Variants in FOSL2 observed in about 807,000 individuals in gnomAD.
FOSL2 encodes the protein FOS like 2, AP-1 transcription factor subunit, also known as fos-related antigen 2.
FOSL2 carries 3 observed loss-of-function variants against 27.7 expected under a neutral mutation model. The ratio of observed to expected loss-of-function variants is 0.11; its 90% CI spans 0.05 to 0.28. FOSL2 has a LOEUF of 0.28. FOSL2 is among the 10% of genes least tolerant of loss of function. The pLI is 1.00. For missense variants in FOSL2, 333 were observed against 445.1 expected (o/e 0.75, Z 2.27); for synonymous variants, 179 against 190.1 (o/e 0.94, Z 0.48).
In FOSL2 at chr2:28,415,566, C is replaced by T. The variant is rs1664295586; in HGVS notation, c.*3118C>T. 1 of 152,210 alleles carries T rather than the reference C, an allele frequency of 6.6e-6. No individual in the cohort carries two copies. Among genetic ancestry groups the T allele is most frequent in the Admixed American group, 6.5e-5 (1 of 15,286 alleles). The allele number at this position is 152,210 out of a possible 1,614,324, so 9.4% of individuals were successfully genotyped here. A position where few individuals can be genotyped will look rare whatever the true frequency, so the allele number is the denominator to read the frequency against. ...AAGTGTGGTTGAATTGTCTGGAGCA[C>T]TGGGACTTTTTTTCTCTTTTCCTTG... On this transcript the variant is annotated 3_prime_UTR_variant, in exon 4 of 4. Transcript: ENST00000264716.
chr2:28,411,981 G>C lies in FOSL2; in HGVS notation c.514G>C (p.Glu172Gln). ...GTCAGGCCTGCAGAAGGAGATTGCT[G>C]AGCTGCAGAAGGAGAAGGAGAAGCT... ...EKSGLQKEIA[E>Q]LQKEKEKLEF... The change falls in exon 4 of 4, where the codon GAG (glutamate) becomes CAG (glutamine). Residue 172 changes from glutamate to glutamine, a missense_variant. Glu to Gln is a conservative substitution (Grantham distance 29, BLOSUM62 2). Coordinates refer to ENST00000264716, the MANE Select transcript of FOSL2 (RefSeq NM_005253.4). 6 of 1,614,126 alleles carry C rather than the reference G, an allele frequency of 3.7e-6. No homozygotes were observed. The highest frequency in any genetic ancestry group is 5.1e-6 in the Non-Finnish European group (6 of 1,180,042).
chr2:28,401,195 T>TG (rs1288426289), intron 1 of FOSL2, among the ~76,000 whole-genome samples: 1 of 150,976 alleles, frequency 6.6e-6, no homozygotes, highest in Non-Finnish European at 1.5e-5. Flanking sequence ...TTTGGAGCAA[T>TG]GTTTCTCAAC....
At chr2:28,396,797 C>CACACACACACACACACACACACAA (rs1663847440) in intron 1 of FOSL2, 1 of 143,336 alleles carries the variant, frequency 7.0e-6, no homozygotes, top group African/African-American at 2.6e-5. Context: ...AAGACACACA[C>CACACACACACACACACACACACAA]ACACACACAC....
chr2:28,408,620 C>G lies in FOSL2; in HGVS notation c.355-139C>G, dbSNP rs921263790. 1 of 594,240 alleles carries G rather than the reference C, an allele frequency of 1.7e-6. No homozygotes were observed. Among genetic ancestry groups the G allele is most frequent in the Non-Finnish European group, 2.8e-6 (1 of 351,146 alleles). 36.8% of individuals were successfully genotyped at this position (594,240 alleles called of 1,614,324 possible). ...TCCACATGTTCTGGGGCCTCTGAGT[C>G]CAGCCATGCTCCTCTTGCCCTTCCT... On this transcript the variant is annotated intron_variant, in intron 2 of 3. Coordinates refer to ENST00000264716, the MANE Select transcript of FOSL2 (RefSeq NM_005253.4). The surrounding 1 kb of genome is among the most constrained non-coding windows in gnomAD (Gnocchi z 4.1).
At chr2:28,401,569 C>T (rs1281375884) in intron 1 of FOSL2, among the ~76,000 whole-genome samples, 1 of 152,188 alleles carries the variant, frequency 6.6e-6, no homozygotes. Context: ...CCCCGCCCCT[C>T]CCATCCAGCA....
chr2:28,401,851 C>T (rs191586760), intron 1 of FOSL2, among the ~76,000 whole-genome samples: 126 of 152,368 alleles, frequency 8.3e-4, no homozygotes, highest in African/African-American at 2.8e-3. Flanking sequence ...CTGGGCAGCT[C>T]TCTTCACGGG....
In FOSL2 at chr2:28,414,642, TAAATG is replaced by T. The variant is rs1316031084; in HGVS notation, c.*2197_*2201del. 4 of 152,232 alleles carry T rather than the reference TAAATG, an allele frequency of 2.6e-5. No homozygotes were observed. The highest frequency in any genetic ancestry group is 2.6e-4 in the Admixed American group (4 of 15,286). The allele number at this position is 152,232 out of a possible 1,614,324, so 9.4% of individuals were successfully genotyped here. On this transcript the variant is annotated 3_prime_UTR_variant, in exon 4 of 4. Coordinates refer to ENST00000264716, the MANE Select transcript of FOSL2 (RefSeq NM_005253.4). ...CTTTTTTGTGCATATAGATATTTCTTAAATGAAGCTGCTTTCTTGTCTTTTATTTC... is the reference window on the plus strand; with the variant it reads ...CTTTTTTGTGCATATAGATATTTCTTAAGCTGCTTTCTTGTCTTTTATTTC...
intron 1 of FOSL2, among the ~76,000 whole-genome samples, chr2:28,396,232 T>C (rs1311535760): frequency 6.6e-6 from 1 of 151,870 alleles, no homozygotes; most frequent in African/African-American, 2.4e-5. Context: ...TTTCCCGTCC[T>C]CTCTAGCTTC....
intron 2 of FOSL2, among the ~76,000 whole-genome samples, chr2:28,406,061 T>C (rs1007750383): frequency 6.7e-6 from 1 of 148,484 alleles, no homozygotes; most frequent in African/African-American, 2.5e-5. Context: ...TTTTTTTTTT[T>C]TTTTTTCTTT....
chr2:28,403,931 C>T (rs1235140249), intron 1 of FOSL2, among the ~76,000 whole-genome samples, 176 bp from the exon 2 acceptor site: 1 of 152,206 alleles, frequency 6.6e-6, no homozygotes, highest in African/African-American at 2.4e-5. Flanking sequence ...TAAGATTCCC[C>T]CCTTGATTCT....
rs1051668920 is a variant in FOSL2 at position 28,410,488 on chromosome 2, C to T, written c.463-1442C>T. 7 of 984,386 alleles carry T rather than the reference C, an allele frequency of 7.1e-6. No individual in the cohort carries two copies. The Admixed American group carries it at 4.3e-4, about 61-fold the overall frequency. The allele number at this position is 984,386 out of a possible 1,614,324, so 61.0% of individuals were successfully genotyped here. A position where few individuals can be genotyped will look rare whatever the true frequency, so the allele number is the denominator to read the frequency against. On this transcript the variant is annotated intron_variant, in intron 3 of 3. Coordinates refer to ENST00000264716, the MANE Select transcript of FOSL2 (RefSeq NM_005253.4). ...TCCTCCACAGGAAGCCTCTCAGAAG[C>T]TCATGACGTTCGTCAGACCCTTGAG...
intron 1 of FOSL2, among the ~76,000 whole-genome samples, chr2:28,403,857 C>T (rs977875241): frequency 2.0e-5 from 3 of 152,200 alleles, no homozygotes; most frequent in Admixed American, 6.5e-5. Context: ...ACTGAGCCAC[C>T]TGGGGATGGA....
At position 28,393,068 on chromosome 2, in the gene FOSL2, A is replaced by G. The variant is rs1663709026; in HGVS notation, c.-653A>G. The G allele has an allele frequency of 2.0e-6, 1 of 492,160 alleles. No homozygotes were observed. The highest frequency in any genetic ancestry group is 2.1e-5 in the African/African-American group (1 of 48,226). The allele number at this position is 492,160 out of a possible 1,614,324, so 30.5% of individuals were successfully genotyped here. A position where few individuals can be genotyped will look rare whatever the true frequency, so the allele number is the denominator to read the frequency against. On this transcript the variant is annotated 5_prime_UTR_variant, in exon 1 of 4. Coordinates refer to ENST00000264716, the MANE Select transcript of FOSL2 (RefSeq NM_005253.4). The surrounding 1 kb of genome is among the most constrained non-coding windows in gnomAD (Gnocchi z 4.6). ...CGGGGAGCGGGGCCGCGTCCCTCTC[A>G]GCGCCAGCTCTACTTGAGCCCCACG...
rs141048231 is a variant in FOSL2 at position 28,406,910 on chromosome 2, C to G, written c.355-1849C>G. Among the ~76,000 whole-genome samples, 935 of 152,326 alleles carry G rather than the reference C, an allele frequency of 6.1e-3. 6 individuals carry two copies. Among genetic ancestry groups the G allele is most frequent in the African/African-American group, 0.022 (897 of 41,572 alleles). Reference sequence around the variant, plus strand: ...TTCCCTCTGTGCCCTGTGGCGGCGACTCTGAGGAGGTGGGGAGGGGAGGGT... The same window carrying G: ...TTCCCTCTGTGCCCTGTGGCGGCGAGTCTGAGGAGGTGGGGAGGGGAGGGT... On this transcript the variant is annotated intron_variant, in intron 2 of 3. Transcript: ENST00000264716.
chr2:28,409,548 A>G (rs1303094699), intron 3 of FOSL2, among the ~76,000 whole-genome samples: 1 of 151,990 alleles, frequency 6.6e-6, no homozygotes, highest in Non-Finnish European at 1.5e-5. Context: ...TGACCTGACC[A>G]ACGTCACGTA....
rs1373430759 is a variant in FOSL2, at chr2:28,393,093, G to A, written c.-628G>A. Reference sequence around the variant, plus strand: ...AGCGCCAGCTCTACTTGAGCCCCACGAGCCGCTGTCCCCCTGGCGCGCTCG... The same window carrying A: ...AGCGCCAGCTCTACTTGAGCCCCACAAGCCGCTGTCCCCCTGGCGCGCTCG... On this transcript the variant is annotated 5_prime_UTR_variant, in exon 1 of 4. Transcript: ENST00000264716. This position sits in a 1 kb window ranked among gnomAD's most constrained non-coding sequence, Gnocchi z 4.6. 7.1e-6 allele frequency: 3 copies of A among 424,144 alleles called. No individual in the cohort carries two copies. The highest frequency in any genetic ancestry group is 6.4e-5 in the African/African-American group (3 of 47,076). 26.3% of individuals were successfully genotyped at this position (424,144 alleles called of 1,614,324 possible). A position where few individuals can be genotyped will look rare whatever the true frequency, so the allele number is the denominator to read the frequency against.
chr2:28,412,838 G>A lies in FOSL2; in HGVS notation c.*390G>A, dbSNP rs968026018. ...CCCTGCCCCACCACGCATGCTCAGTGCCTTTTGGTTTCACCTTCCCTCGAC... is the reference window on the plus strand; with the variant it reads ...CCCTGCCCCACCACGCATGCTCAGTACCTTTTGGTTTCACCTTCCCTCGAC... On this transcript the variant is annotated 3_prime_UTR_variant, in exon 4 of 4. Transcript: ENST00000264716. The surrounding 1 kb of genome is among the most constrained non-coding windows in gnomAD (Gnocchi z 7.1). 2 of 190,026 alleles carry A rather than the reference G, an allele frequency of 1.1e-5. No homozygotes were observed. Among genetic ancestry groups the A allele is most frequent in the Non-Finnish European group, 2.2e-5 (2 of 92,828 alleles). The allele number at this position is 190,026 out of a possible 1,614,324, so 11.8% of individuals were successfully genotyped here.
chr2:28,412,157 C>A lies in FOSL2; in HGVS notation c.690C>A (p.Ser230Arg), dbSNP rs1664216899. 6.2e-7 allele frequency: 1 copy of A among 1,607,838 alleles called. No homozygotes were observed. The highest frequency in any genetic ancestry group is 8.5e-7 in the Non-Finnish European group (1 of 1,176,552). The change falls in exon 4 of 4, where the codon AGC becomes AGA. Residue 230 changes from serine to arginine, a missense_variant. Ser to Arg is a moderately radical substitution (Grantham distance 110, BLOSUM62 -1). Transcript: ENST00000264716. This position sits in a 1 kb window ranked among gnomAD's most constrained non-coding sequence, Gnocchi z 7.1. ...AACAGGAGCCCCTGGAAGAGGACAGCCCCTCGTCCTCGTCGGCGGGGCTGG... is the reference window on the plus strand; with the variant it reads ...AACAGGAGCCCCTGGAAGAGGACAGACCCTCGTCCTCGTCGGCGGGGCTGG... ...VVKQEPLEED[S>R]PSSSSAGLDK... is the part of the protein sequence containing the mutation.
At chr2:28,398,602 T>C (rs1663908669) in intron 1 of FOSL2, among the ~76,000 whole-genome samples, 3 of 152,260 alleles carry the variant, frequency 2.0e-5, no homozygotes, top group Admixed American at 2.0e-4. Context: ...TCTCTTTCTG[T>C]TTCTTTCCTT....
Sources: gnomAD v4.1 joint callset for allele counts (sites outside exome capture counted in the v4.1 genomes callset) on GRCh38, gnomAD v4.1.1 for gene constraint, Gnocchi (gnomAD v3.1) non-coding constraint, MANE v1.5 for transcripts, NCBI Gene and HGNC (gene_info 2026-07-23, HGNC 2026-07-21) for gene names.